Variants in TSHZ3 observed in about 807,000 individuals in gnomAD.
The protein encoded by TSHZ3 is teashirt zinc finger homeobox 3, also known as teashirt homolog 3.
Under a neutral mutation model 64.5 loss-of-function variants are expected in TSHZ3, and 10 were observed. The ratio of observed to expected loss-of-function variants is 0.16; its 90% CI spans 0.10 to 0.26. The LOEUF is 0.26. Ranked by LOEUF, TSHZ3 falls within the 10% of genes least tolerant of loss-of-function variation. TSHZ3 has a pLI of 1.00. For synonymous variants in TSHZ3, 608 were observed against 593.1 expected (o/e 1.03, Z -0.36); for missense variants, 1,242 against 1,421.7 (o/e 0.87, Z 2.03).
intron 6 of TSHZ3, among the ~76,000 whole-genome samples, chr19:31,155,055 G>T (rs1974288509): frequency 1.3e-5 from 2 of 152,208 alleles, no homozygotes; most frequent in Admixed American, 1.3e-4. Flanking sequence ...AGTGGTTCTT[G>T]GAGATAATTC....
At chr19:31,314,712 G>T (rs980711152) in intron 1 of TSHZ3, among the ~76,000 whole-genome samples, 3 of 152,230 alleles carry the variant, frequency 2.0e-5, no homozygotes, top group Non-Finnish European at 4.4e-5. Flanking sequence ...CAGAATGGGA[G>T]AAATTAACCG....
rs573940502 is a variant in TSHZ3, at chr19:31,208,464, GTA to G, written n.687-3388_687-3387del. Among the ~76,000 whole-genome samples the G allele has an allele frequency of 1.3e-5, 2 of 152,332 alleles. 1 individual carries two copies. Among genetic ancestry groups the G allele is most frequent in the South Asian group, 4.1e-4 (2 of 4,832 alleles). On this transcript the variant is annotated intron_variant and non_coding_transcript_variant, in intron 4 of 6. Coordinates refer to the TSHZ3 transcript ENST00000651361. ...CCCTGCAATGTAGTTCATGAAGACT[GTA>G]TACATGGAAAAGGGAAGTCAAGGTG...
chr19:31,175,038 T>C (rs1974588347), intron 5 of TSHZ3, among the ~76,000 whole-genome samples: 2 of 152,210 alleles, frequency 1.3e-5, no homozygotes, highest in African/African-American at 4.8e-5. Context: ...GGCTGGGCTT[T>C]CCTGGAAAAG....
chr19:31,279,708 C>A lies in TSHZ3; in HGVS notation c.85G>T (p.Gly29Cys). ...GCCGTATGCTCCTCTGGGTCTAAAC[C>A]TTCGTCCACCAGGGCAGCAGCCTTT... ...ELKAAALVDE[G>C]LDPEEHTADG... The change falls in exon 2 of 2, where the codon GGT becomes TGT. Residue 29 changes from glycine to cysteine, a missense_variant. Physicochemically the swap from Gly to Cys is radical, Grantham distance 159. This residue lies in a region of TSHZ3 where 555 missense variants were observed against 704.0 expected (regional missense o/e 0.79). Coordinates refer to ENST00000240587, the MANE Select transcript of TSHZ3 (RefSeq NM_020856.4). The surrounding 1 kb of genome is among the most constrained non-coding windows in gnomAD (Gnocchi z 6.4). 1 of 1,532,704 alleles carries A rather than the reference C, an allele frequency of 6.5e-7. No individual in the cohort carries two copies. Among genetic ancestry groups the A allele is most frequent in the South Asian group, 1.3e-5 (1 of 78,186 alleles). The allele number at this position is 1,532,704 out of a possible 1,614,324, so 94.9% of individuals were successfully genotyped here.
chr19:31,217,628 C>T (rs535371991), intron 4 of TSHZ3, among the ~76,000 whole-genome samples: 1 of 152,278 alleles, frequency 6.6e-6, no homozygotes, highest in South Asian at 2.1e-4. Context: ...TTTGTTACAA[C>T]TGATGAACTG....
At position 31,277,932 on chromosome 19, in the gene TSHZ3, C is replaced by T. The variant is rs149105354; in HGVS notation, c.1861G>A (p.Val621Ile). Residue 621 changes from valine to isoleucine, a missense_variant, in exon 2 of 2, where the codon GTT (valine) becomes ATT (isoleucine). Around this residue, in one of 4 missense-constraint regions of TSHZ3, gnomAD observed 550 missense variants for 545.1 expected, o/e 1.01. Transcript: ENST00000240587. This position sits in a 1 kb window ranked among gnomAD's most constrained non-coding sequence, Gnocchi z 4.5. ...TTCATCTTCTCCTCCACTTTGGCAA[C>T]TTTCTCAGTGACCTTTTTCACCAGC... ...EELVKKVTEK[V>I]AKVEEKMKEP... The T allele has an allele frequency of 6.2e-7, 1 of 1,614,220 alleles. No individual in the cohort carries two copies. The highest frequency in any genetic ancestry group is 1.3e-5 in the African/African-American group (1 of 75,050).
chr19:31,341,972 A>T (rs1382787939), intron 1 of TSHZ3, among the ~76,000 whole-genome samples: 1 of 152,270 alleles, frequency 6.6e-6, no homozygotes, highest in East Asian at 1.9e-4. Context: ...ATCAATGAAC[A>T]CAGCTCGAAT....
exon 3 of TSHZ3, among the ~76,000 whole-genome samples, chr19:31,242,551 G>A (rs1214692595): frequency 5.3e-5 from 8 of 152,136 alleles, no homozygotes; most frequent in Admixed American, 2.6e-4. Context: ...ATGTCCAAAG[G>A]CAGCAGCAGA....
chr19:31,280,936 G>C (rs1976350276), intron 1 of TSHZ3, among the ~76,000 whole-genome samples: 1 of 152,158 alleles, frequency 6.6e-6, no homozygotes, highest in Admixed American at 6.5e-5. Context: ...ACTGCATACT[G>C]CATCAGGGTA....
chr19:31,335,610 C>T (rs1022213407), intron 1 of TSHZ3, among the ~76,000 whole-genome samples: 13 of 152,206 alleles, frequency 8.5e-5, no homozygotes, highest in African/African-American at 3.1e-4. Context: ...TAGAAGGCCA[C>T]CAAGGAGATT....
intron 5 of TSHZ3, among the ~76,000 whole-genome samples, chr19:31,194,919 TA>T (rs1214124816): frequency 1.3e-5 from 2 of 151,972 alleles, no homozygotes; most frequent in Non-Finnish European, 2.9e-5. Flanking sequence ...ATGCTGGAGA[TA>T]AAAAACACTA....
intron 1 of TSHZ3, among the ~76,000 whole-genome samples, chr19:31,347,410 T>C (rs1319227638): frequency 6.6e-6 from 1 of 151,970 alleles, no homozygotes; most frequent in Non-Finnish European, 1.5e-5. Flanking sequence ...ATATGGTTCA[T>C]TGGATGGAGG....
At position 31,279,665 on chromosome 19, in the gene TSHZ3, G is replaced by A. The variant is rs761248756; in HGVS notation, c.128C>T (p.Ala43Val). 1 of 1,597,860 alleles carries A rather than the reference G, an allele frequency of 6.3e-7. No individual in the cohort carries two copies. The highest frequency in any genetic ancestry group is 1.1e-5 in the South Asian group (1 of 88,762). The change falls in exon 2 of 2, where the codon GCC becomes GTC. Residue 43 changes from alanine to valine, a missense_variant. Transcript: ENST00000240587. The surrounding 1 kb of genome is among the most constrained non-coding windows in gnomAD (Gnocchi z 6.4). ...CTCCTTCTCCGGGCACATGTACTTGGCCGAGGGCTCTCCATCTGCCGTATG... is the reference window on the plus strand; with the variant it reads ...CTCCTTCTCCGGGCACATGTACTTGACCGAGGGCTCTCCATCTGCCGTATG... ...EEHTADGEPSAKYMCPEKELA... is the reference protein window; with the variant it reads ...EEHTADGEPSVKYMCPEKELA...
chr19:31,169,606 T>C (rs779425594), intron 5 of TSHZ3, among the ~76,000 whole-genome samples: 8 of 152,086 alleles, frequency 5.3e-5, no homozygotes, highest in Non-Finnish European at 1.0e-4. Flanking sequence ...TAAAAATGGT[T>C]AAAATGGCAA....
chr19:31,279,561 T>C lies in TSHZ3; in HGVS notation c.232A>G (p.Ile78Val), dbSNP rs1188689062. Residue 78 changes from isoleucine to valine, a missense_variant, in exon 2 of 2, where the codon ATC becomes GTC. By Grantham distance (29) the Ile-to-Val change is conservative. This residue lies in a region of TSHZ3 where 555 missense variants were observed against 704.0 expected (regional missense o/e 0.79). Coordinates refer to ENST00000240587, the MANE Select transcript of TSHZ3 (RefSeq NM_020856.4). This position sits in a 1 kb window ranked among gnomAD's most constrained non-coding sequence, Gnocchi z 6.4. ...SCHEMDSESHISETSDRMADF... is the reference protein window; with the variant it reads ...SCHEMDSESHVSETSDRMADF... ...GCCATTCGGTCACTGGTCTCACTGATGTGTGACTCGCTGTCCATTTCATGG... is the reference window on the plus strand; with the variant it reads ...GCCATTCGGTCACTGGTCTCACTGACGTGTGACTCGCTGTCCATTTCATGG... The C allele has an allele frequency of 6.2e-7, 1 of 1,610,708 alleles. No individual in the cohort carries two copies. Among genetic ancestry groups the C allele is most frequent in the Admixed American group, 1.7e-5 (1 of 59,888 alleles).
intron 5 of TSHZ3, among the ~76,000 whole-genome samples, chr19:31,164,702 G>A (rs1232665891): frequency 1.3e-4 from 20 of 152,148 alleles, no homozygotes; most frequent in Admixed American, 1.3e-3. Context: ...AGATTTTAAG[G>A]ACGCTGCGTG....
At chr19:31,311,449 G>A (rs1916457361) in intron 1 of TSHZ3, among the ~76,000 whole-genome samples, 1 of 152,170 alleles carries the variant, frequency 6.6e-6, no homozygotes, top group African/African-American at 2.4e-5. Flanking sequence ...CCTTCTTGGG[G>A]TGAGTCTCGC....
chr19:31,276,877 G>C lies in TSHZ3; in HGVS notation c.2916C>G (p.Gly972=). ...GTKFLKNLDT[G]HPVFFCNDCA... ...AATCGTTACAAAAGAAGACGGGGTG[G>C]CCAGTGTCCAAGTTTTTGAGGAACT... The change falls in exon 2 of 2, where the codon GGC becomes GGG. Residue 972 remains glycine, a synonymous_variant. Transcript: ENST00000240587. 2 of 1,614,220 alleles carry C rather than the reference G, an allele frequency of 1.2e-6. No homozygotes were observed. Among genetic ancestry groups the C allele is most frequent in the African/African-American group, 1.3e-5 (1 of 75,056 alleles).
At chr19:31,209,252 G>T (rs1003898872) in intron 4 of TSHZ3, among the ~76,000 whole-genome samples, 11 of 152,222 alleles carry the variant, frequency 7.2e-5, no homozygotes, top group African/African-American at 2.2e-4. Context: ...TGAGCAATGA[G>T]TTTGGAGACT....
Sources: allele counts gnomAD v4.1 joint callset (sites outside exome capture counted in the v4.1 genomes callset), GRCh38; gene constraint gnomAD v4.1.1; regional missense constraint gnomAD v4.1.1; non-coding constraint Gnocchi (gnomAD v3.1); transcripts MANE v1.5; gene names NCBI Gene and HGNC (gene_info 2026-07-23, HGNC 2026-07-21).